The following PLXNA4 variants were observed in gnomAD, a reference collection of about 807,000 sequenced individuals.
PLXNA4 encodes the protein plexin A4.
In PLXNA4, 44 loss-of-function variants were observed where a neutral mutation model predicts 191.8. The ratio of observed to expected loss-of-function variants is 0.23; its 90% CI spans 0.18 to 0.29. PLXNA4 has a LOEUF of 0.29. Among genes scored for constraint, PLXNA4 ranks in the 10% least tolerant of loss-of-function variants. PLXNA4 has a pLI of 1.00. For missense variants in PLXNA4, 1,800 were observed against 2,488.8 expected (o/e 0.72, Z 5.89); for synonymous variants, 1,082 against 1,009.5 (o/e 1.07, Z -1.36).
intron 13 of PLXNA4, among the ~76,000 whole-genome samples, chr7:132,195,370 G>A (rs1397566881): frequency 1.3e-5 from 2 of 152,100 alleles, no homozygotes; most frequent in Admixed American, 1.3e-4. Flanking sequence ...TCCTATTGAT[G>A]AACGTTTAGT....
intron 1 of PLXNA4, among the ~76,000 whole-genome samples, chr7:132,566,943 T>C (rs1223336155): frequency 6.6e-6 from 1 of 152,178 alleles, no homozygotes; most frequent in Non-Finnish European, 1.5e-5. Flanking sequence ...GTGAATTCAT[T>C]CTTCTGGTTT....
intron 3 of PLXNA4, chr7:132,384,230 G>A: frequency 1.0e-6 from 1 of 985,404 alleles, no homozygotes; most frequent in African/African-American, 1.7e-5. Flanking sequence ...TAGTGTGGTG[G>A]TTCTTAGCAA....
intron 29 of PLXNA4, among the ~76,000 whole-genome samples, chr7:132,143,689 T>C (rs1795335491): frequency 6.6e-6 from 1 of 152,182 alleles, no homozygotes; most frequent in African/African-American, 2.4e-5. Flanking sequence ...CTAGAAGAGT[T>C]AAACGCATCT....
chr7:132,362,419 C>T (rs1008468847), intron 3 of PLXNA4, among the ~76,000 whole-genome samples: 3 of 152,196 alleles, frequency 2.0e-5, no homozygotes, highest in African/African-American at 7.2e-5. Flanking sequence ...TATGCATCTT[C>T]AAAACTTCAC....
At chr7:132,207,200 C>T (rs1363807031) in intron 10 of PLXNA4, among the ~76,000 whole-genome samples, 1 of 152,240 alleles carries the variant, frequency 6.6e-6, no homozygotes, top group Non-Finnish European at 1.5e-5. Context: ...CTGCTGACCC[C>T]TTTTCAGCCA....
chr7:132,522,157 C>T (rs1021355142), intron 1 of PLXNA4, among the ~76,000 whole-genome samples: 1 of 152,146 alleles, frequency 6.6e-6, no homozygotes, highest in Non-Finnish European at 1.5e-5. Flanking sequence ...TCCACGGACA[C>T]AGACACAGCA....
intron 1 of PLXNA4, among the ~76,000 whole-genome samples, chr7:132,648,218 C>T (rs1158520686): frequency 6.6e-6 from 1 of 152,216 alleles, no homozygotes; most frequent in Non-Finnish European, 1.5e-5. Flanking sequence ...TACACTTACA[C>T]ACTCACACAT....
intron 3 of PLXNA4, among the ~76,000 whole-genome samples, chr7:132,481,375 G>T (rs1032301044): frequency 6.6e-6 from 1 of 151,986 alleles, no homozygotes; most frequent in Non-Finnish European, 1.5e-5. Context: ...TACAGCCCAG[G>T]AGCCAGGCCT....
At chr7:132,318,457 C>T (rs2116623493) in intron 3 of PLXNA4, among the ~76,000 whole-genome samples, 1 of 152,266 alleles carries the variant, frequency 6.6e-6, no homozygotes, top group South Asian at 2.1e-4. Context: ...AGCCTCCTGG[C>T]TTCCTCCCTC....
intron 3 of PLXNA4, among the ~76,000 whole-genome samples, chr7:132,348,527 G>A (rs1053274685): frequency 4.6e-5 from 7 of 152,214 alleles, no homozygotes; most frequent in African/African-American, 9.6e-5. Flanking sequence ...AAAGATCACC[G>A]TATTTGTACA....
At chr7:132,199,657 C>G (rs1584832307) in intron 12 of PLXNA4, among the ~76,000 whole-genome samples, 1 of 152,184 alleles carries the variant, frequency 6.6e-6, no homozygotes, top group South Asian at 2.1e-4. Flanking sequence ...ATCTCTACCC[C>G]TTTTCAGCAT....
At position 132,522,146 on chromosome 7, in the gene PLXNA4, T is replaced by C. The variant is rs114418288; in HGVS notation, c.-86-13367A>G. On this transcript the variant is annotated intron_variant, in intron 1 of 31. Coordinates refer to ENST00000321063, the MANE Select transcript of PLXNA4 (RefSeq NM_020911.2). ...CTTCTGAATCCACTCTGTGGATCAG[T>C]TCCACGGACACAGACACAGCATGCT... Among the ~76,000 whole-genome samples, 1,014 of 152,146 alleles carry C rather than the reference T, an allele frequency of 6.7e-3. 13 individuals carry two copies. Among genetic ancestry groups the C allele is most frequent in the African/African-American group, 0.023 (964 of 41,498 alleles).
chr7:132,485,502 G>GA (rs1262230276), intron 3 of PLXNA4, among the ~76,000 whole-genome samples: 2 of 152,212 alleles, frequency 1.3e-5, no homozygotes, highest in Non-Finnish European at 2.9e-5. Context: ...GCAAGAGAGG[G>GA]AAAAGATTCC....
chr7:132,536,938 T>C (rs1799863038), intron 1 of PLXNA4, among the ~76,000 whole-genome samples: 3 of 152,214 alleles, frequency 2.0e-5, no homozygotes, highest in Non-Finnish European at 2.9e-5. Flanking sequence ...AGCCTCTGCT[T>C]CTTGCCAAGG....
intron 2 of PLXNA4, among the ~76,000 whole-genome samples, chr7:132,617,632 T>A (rs1691041569): frequency 6.6e-6 from 1 of 152,202 alleles, no homozygotes; most frequent in Non-Finnish European, 1.5e-5. Context: ...CACTGAGGCT[T>A]CCTCCCATGA....
At position 132,204,040 on chromosome 7, in the gene PLXNA4, C is replaced by T. The variant is rs60589428; in HGVS notation, c.2299-621G>A. ...GGACTAGATGGGAGCTTGTTGGTGA[C>T]GGGGGAAATCCTGAGGACCTTGGAG... On this transcript the variant is annotated intron_variant, in intron 10 of 31. Transcript: ENST00000321063. Among the ~76,000 whole-genome samples the T allele has an allele frequency of 2.1e-3, 327 of 152,178 alleles. 8 individuals carry two copies. The East Asian group carries it at 0.045, about 21-fold the overall frequency.
intron 4 of PLXNA4, among the ~76,000 whole-genome samples, chr7:132,281,935 A>G (rs1239997458): frequency 2.6e-5 from 4 of 152,174 alleles, no homozygotes; most frequent in Non-Finnish European, 5.9e-5. Context: ...AACATTGATA[A>G]TATCTGTCAC....
chr7:132,203,380 C>G lies in PLXNA4; in HGVS notation c.2338G>C (p.Glu780Gln), dbSNP rs1390699538. The G allele has an allele frequency of 3.7e-6, 6 of 1,614,126 alleles. No homozygotes were observed. Among genetic ancestry groups the G allele is most frequent in the Non-Finnish European group, 5.1e-6 (6 of 1,180,022 alleles). ...EGMEINNLPV[E>Q]LTVVWNGHFN... ...TGCCCATTCCACACGACTGTCAACT[C>G]CACGGGCAGGTTGTTGATCTCCATC... The change falls in exon 11 of 32, where the codon GAG (glutamate) becomes CAG (glutamine). Residue 780 changes from glutamate to glutamine, a missense_variant. Coordinates refer to ENST00000321063, the MANE Select transcript of PLXNA4 (RefSeq NM_020911.2).
At chr7:132,203,267 C>T in intron 11 of PLXNA4, 56 bp downstream of exon 11, 2 of 1,508,970 alleles carry the variant, frequency 1.3e-6, no homozygotes, top group Non-Finnish European at 9.2e-7. Flanking sequence ...CGGCTCCTTC[C>T]CTCTCTACCC....
Sources: gnomAD v4.1 joint callset for allele counts (sites outside exome capture counted in the v4.1 genomes callset) on GRCh38, gnomAD v4.1.1 for gene constraint, MANE v1.5 for transcripts, NCBI Gene and HGNC (gene_info 2026-07-23, HGNC 2026-07-21) for gene names.